Variants in BRCA1 observed in about 807,000 individuals in gnomAD.
The protein encoded by BRCA1 is BRCA1 DNA repair associated.
A neutral mutation model predicts 173.7 loss-of-function variants in BRCA1; 140 were observed. The observed-to-expected ratio is 0.81, with a 90% CI of 0.70 to 0.93. The LOEUF is 0.93. Ranked by LOEUF, BRCA1 falls within the 40% of genes least tolerant of loss-of-function variation. BRCA1 has a pLI of 0.00. For synonymous variants in BRCA1, 662 were observed against 756.0 expected (o/e 0.88, Z 2.04); for missense variants, 1,983 against 2,172.5 (o/e 0.91, Z 1.73).
At position 43,137,332 on chromosome 17, in the gene BRCA1, C is replaced by T. The variant is rs186546838; in HGVS notation, c.-19-13217G>A. Reference sequence around the variant, plus strand: ...TAGGAGATATCCTTAATGTAAATGACGAGTTAACAGGTGCAGCACACCAAC... The same window carrying T: ...TAGGAGATATCCTTAATGTAAATGATGAGTTAACAGGTGCAGCACACCAAC... On this transcript the variant is annotated intron_variant, in intron 1 of 7. Coordinates refer to the BRCA1 transcript ENST00000634433. Among the ~76,000 whole-genome samples, 363 of 150,436 alleles carry T rather than the reference C, an allele frequency of 2.4e-3. 3 individuals are homozygous for T. Among genetic ancestry groups the T allele is most frequent in the African/African-American group, 8.2e-3 (333 of 40,812 alleles).
intron 2 of BRCA1, 70 bp downstream of exon 2, chr17:43,123,947 T>C (rs2154576208): frequency 8.1e-7 from 1 of 1,228,306 alleles, no homozygotes. Context: ...GTATGTAAGG[T>C]CAATTCTGTT....
intron 1 of BRCA1, among the ~76,000 whole-genome samples, chr17:43,158,765 G>T (rs942802388): frequency 3.9e-5 from 6 of 152,184 alleles, no homozygotes; most frequent in African/African-American, 1.4e-4. Context: ...AATCTCTGCT[G>T]CCCTGGAGTT....
rs554571599 is a variant in BRCA1, at chr17:43,167,804, T to A, written c.-20+2322A>T. The A allele has an allele frequency of 7.1e-4, 108 of 153,054 alleles. 1 individual carries two copies. In the South Asian group the frequency reaches 0.021, roughly 29 times the overall value. 9.5% of individuals were successfully genotyped at this position (153,054 alleles called of 1,614,324 possible). ...GTGTGAGCCACAGCCCCCGGCCTCA[T>A]TCATGATTTATTTTGCCATTTCAAG... On this transcript the variant is annotated intron_variant, in intron 1 of 7. Transcript: ENST00000634433.
At chr17:43,049,995 G>C (rs1377310040) in intron 20 of BRCA1, 1 of 398,326 alleles carries the variant, frequency 2.5e-6, no homozygotes, top group African/African-American at 2.1e-5. Flanking sequence ...AGAAATCCTT[G>C]AGTGGAACTT....
At chr17:43,113,459 C>T (rs1288176760) in intron 3 of BRCA1, among the ~76,000 whole-genome samples, 2 of 152,026 alleles carry the variant, frequency 1.3e-5, no homozygotes, top group African/African-American at 2.4e-5. Flanking sequence ...CTCTGCCTCC[C>T]AGGTTCAAGT....
intron 19 of BRCA1, among the ~76,000 whole-genome samples, chr17:43,053,777 G>A (rs186482467): frequency 3.6e-4 from 54 of 151,896 alleles, no homozygotes; most frequent in African/African-American, 1.1e-3. Flanking sequence ...CAAGACCAGC[G>A]TGACCAACAT....
intron 15 of BRCA1, among the ~76,000 whole-genome samples, chr17:43,068,228 G>C (rs2052233551): frequency 6.7e-6 from 1 of 150,244 alleles, no homozygotes; most frequent in Non-Finnish European, 1.5e-5. Flanking sequence ...AGTAAGCCGA[G>C]ATGGCGCCAC....
At chr17:43,072,345 C>T (rs1465515256) in intron 14 of BRCA1, among the ~76,000 whole-genome samples, 2 of 150,020 alleles carry the variant, frequency 1.3e-5, no homozygotes, top group African/African-American at 4.9e-5. Flanking sequence ...GCCGAGATTG[C>T]GCCATTGCAC....
At chr17:43,143,422 A>C (rs2056093699) in intron 1 of BRCA1, among the ~76,000 whole-genome samples, 1 of 152,114 alleles carries the variant, frequency 6.6e-6, no homozygotes, top group African/African-American at 2.4e-5. Context: ...CTTTGCTTAG[A>C]ACCCCCACAG....
intron 1 of BRCA1, chr17:43,124,804 T>A (rs2154579457): frequency 3.7e-6 from 1 of 272,362 alleles, no homozygotes; most frequent in African/African-American, 2.2e-5. Context: ...TCGCCCAGGC[T>A]GGAGTGCAAT....
At position 43,091,963 on chromosome 17, in the gene BRCA1, G is replaced by A. The variant is rs2053564906; in HGVS notation, c.3568C>T (p.Pro1190Ser). The change falls in exon 10 of 23, where the codon CCT (proline) becomes TCT (serine). Residue 1190 changes from proline (P) to serine (S), a missense_variant. Transcript: ENST00000357654. ...SVQKGELSRS[P>S]SPFTHTHLAQ... Reference sequence around the variant, plus strand: ...AAATGTGTATGGGTGAAAGGGCTAGGACTCCTGCTAAGCTCTCCTTTCTGG... The same window carrying A: ...AAATGTGTATGGGTGAAAGGGCTAGAACTCCTGCTAAGCTCTCCTTTCTGG... 6.2e-7 allele frequency: 1 copy of A among 1,614,088 alleles called. No homozygotes were observed. The highest frequency in any genetic ancestry group is 8.5e-7 in the Non-Finnish European group (1 of 1,180,002).
chr17:43,103,003 C>G (rs1407010478), intron 6 of BRCA1, among the ~76,000 whole-genome samples: 1 of 151,250 alleles, frequency 6.6e-6, no homozygotes, highest in Non-Finnish European at 1.5e-5. Flanking sequence ...CCAAGCTGGG[C>G]TCAAAGGACC....
chr17:43,170,000 A>C, intron 1 of BRCA1: 1 of 465,078 alleles, frequency 2.2e-6, no homozygotes, highest in Non-Finnish European at 4.3e-6. Flanking sequence ...CATTGATCTT[A>C]TCCTCCGTAA....
chr17:43,108,270 G>A (rs570691191), intron 3 of BRCA1, among the ~76,000 whole-genome samples: 10 of 151,502 alleles, frequency 6.6e-5, no homozygotes, highest in Admixed American at 5.9e-4. Context: ...CCTGTGAGGC[G>A]GGGGTTACAG....
intron 19 of BRCA1, among the ~76,000 whole-genome samples, chr17:43,052,780 A>AACAC (rs562562021): frequency 0.06 from 7,013 of 117,696 alleles, 242 homozygotes; most frequent in African/African-American, 0.086. Flanking sequence ...GACGGACAGA[A>AACAC]ACACACACAC....
intron 2 of BRCA1, among the ~76,000 whole-genome samples, chr17:43,118,146 G>A (rs2154568022): frequency 6.6e-6 from 1 of 152,216 alleles, no homozygotes; most frequent in Non-Finnish European, 1.5e-5. Context: ...ATAATGTAAA[G>A]AAACACACTA....
upstream of BRCA1, chr17:43,125,626 C>T (rs1240711656): frequency 3.8e-6 from 1 of 266,390 alleles, no homozygotes; most frequent in Admixed American, 4.9e-5. Context: ...TGCCTGCCCT[C>T]TAGCCTCTAC....
chr17:43,140,502 T>G (rs1459321919), intron 1 of BRCA1, among the ~76,000 whole-genome samples: 1 of 151,874 alleles, frequency 6.6e-6, no homozygotes, highest in Non-Finnish European at 1.5e-5. Flanking sequence ...ACCTGTGGAG[T>G]CTGGTGCTCA....
upstream of BRCA1, among the ~76,000 whole-genome samples, chr17:43,126,596 A>G (rs1352749941): frequency 6.6e-6 from 1 of 152,222 alleles, no homozygotes; most frequent in Non-Finnish European, 1.5e-5. Context: ...ACAGGATGAG[A>G]GAGCCCTTCG....
Sources: gnomAD v4.1 joint callset for allele counts (sites outside exome capture counted in the v4.1 genomes callset) on GRCh38, gnomAD v4.1.1 for gene constraint, MANE v1.5 for transcripts, NCBI Gene and HGNC (gene_info 2026-07-23, HGNC 2026-07-21) for gene names.